PPP1R9A: variants seen among roughly 807,000 people sequenced by gnomAD.
PPP1R9A encodes the protein neurabin-1.
PPP1R9A carries 59 observed loss-of-function variants against 141.9 expected under a neutral mutation model. That is an observed-to-expected ratio of 0.42 (90% CI 0.34 to 0.52). PPP1R9A has a LOEUF of 0.52. PPP1R9A is among the 20% of genes least tolerant of loss of function. The pLI is 0.10. For synonymous variants in PPP1R9A, 500 were observed against 569.7 expected (o/e 0.88, Z 1.74); for missense variants, 1,444 against 1,611.9 (o/e 0.90, Z 1.78).
At chr7:95,054,871 C>G (rs1811304014) in intron 2 of PPP1R9A, among the ~76,000 whole-genome samples, 1 of 152,070 alleles carries the variant, frequency 6.6e-6, no homozygotes, top group African/African-American at 2.4e-5. Flanking sequence ...TCATTCATTA[C>G]CCTACTTCCA....
intron 5 of PPP1R9A, among the ~76,000 whole-genome samples, chr7:95,173,416 C>G (rs967204169): frequency 6.6e-6 from 1 of 151,702 alleles, no homozygotes. Flanking sequence ...GCATATATAC[C>G]CTCTAAATGA....
At chr7:95,022,975 G>A (rs769138695) in intron 2 of PPP1R9A, among the ~76,000 whole-genome samples, 1 of 152,122 alleles carries the variant, frequency 6.6e-6, no homozygotes, top group Admixed American at 6.5e-5. Flanking sequence ...TTTGGTATCA[G>A]GATGATGCTG....
At chr7:95,037,005 A>G (rs1808510917) in intron 2 of PPP1R9A, 1 of 152,204 alleles carries the variant, frequency 6.6e-6, no homozygotes, top group Non-Finnish European at 1.5e-5. Flanking sequence ...CTTCTCCTCC[A>G]AAGTGAGTGA....
intron 2 of PPP1R9A, among the ~76,000 whole-genome samples, chr7:94,978,831 C>G (rs1298400718): frequency 1.3e-5 from 2 of 152,194 alleles, no homozygotes; most frequent in Non-Finnish European, 2.9e-5. Context: ...CGGTCTCGCT[C>G]TGTTGCGCAG....
intron 2 of PPP1R9A, among the ~76,000 whole-genome samples, chr7:95,005,911 AC>A (rs1276059883): frequency 6.6e-6 from 1 of 152,134 alleles, no homozygotes; most frequent in Non-Finnish European, 1.5e-5. Context: ...TTCTAAAGAT[AC>A]AAAAAAAAAT....
At chr7:94,908,895 A>AGT (rs1386875850) in intron 1 of PPP1R9A, among the ~76,000 whole-genome samples, 1 of 152,186 alleles carries the variant, frequency 6.6e-6, no homozygotes, top group Non-Finnish European at 1.5e-5. Context: ...TTTAAGTGAA[A>AGT]GTGTGTGCCT....
intron 4 of PPP1R9A, among the ~76,000 whole-genome samples, chr7:95,137,662 CCAAT>C (rs1825912495): frequency 6.6e-6 from 1 of 151,926 alleles, no homozygotes; most frequent in Admixed American, 6.6e-5. Flanking sequence ...CAAAGAAATC[CCAAT>C]CAAACTCTAG....
chr7:95,229,842 G>A lies in PPP1R9A; in HGVS notation c.2112+3726G>A, dbSNP rs532024984. ...GTGCTCTTGAAAGTGCCAACTCCTG[G>A]CTGGAATCCAACCAATACAAGACCA... On this transcript the variant is annotated intron_variant, in intron 8 of 19. Transcript: ENST00000433360. 7.2e-5 allele frequency among the ~76,000 whole-genome samples: 11 copies of A among 151,948 alleles called. No homozygotes were observed. The East Asian group carries it at 1.2e-3, about 16-fold the overall frequency.
intron 2 of PPP1R9A, among the ~76,000 whole-genome samples, chr7:94,986,484 A>G (rs1394574475): frequency 1.3e-5 from 2 of 152,176 alleles, no homozygotes; most frequent in Admixed American, 6.5e-5. Flanking sequence ...ATTAGAGGCT[A>G]GGAGAGGTTG....
At chr7:95,033,244 G>A (rs1016094892) in intron 2 of PPP1R9A, among the ~76,000 whole-genome samples, 12 of 144,394 alleles carry the variant, frequency 8.3e-5, no homozygotes, top group African/African-American at 3.1e-4. Flanking sequence ...TCGATCTCCT[G>A]ACCTCGTGAT....
At chr7:95,233,921 T>A (rs903574172) in intron 8 of PPP1R9A, among the ~76,000 whole-genome samples, 12 of 152,062 alleles carry the variant, frequency 7.9e-5, no homozygotes, top group Non-Finnish European at 1.5e-4. Flanking sequence ...GAATTAAAAT[T>A]TAAAAATCAC....
At chr7:95,105,450 C>G (rs893855128) in intron 2 of PPP1R9A, among the ~76,000 whole-genome samples, 1 of 152,146 alleles carries the variant, frequency 6.6e-6, no homozygotes, top group Non-Finnish European at 1.5e-5. Context: ...TTCCTTTGAT[C>G]GAGAAACCAG....
At chr7:95,137,658 A>C (rs562556493) in intron 4 of PPP1R9A, among the ~76,000 whole-genome samples, 11 of 152,288 alleles carry the variant, frequency 7.2e-5, no homozygotes, top group African/African-American at 2.6e-4. Flanking sequence ...GAGTCAAAGA[A>C]ATCCCAATCA....
intron 2 of PPP1R9A, among the ~76,000 whole-genome samples, chr7:95,019,898 T>C (rs186062336): frequency 1.6e-4 from 24 of 152,284 alleles, no homozygotes; most frequent in African/African-American, 5.5e-4. Context: ...CAGAAATTTG[T>C]ACATGAATGT....
chr7:94,971,808 A>G (rs1371293918), intron 2 of PPP1R9A, among the ~76,000 whole-genome samples: 2 of 152,234 alleles, frequency 1.3e-5, no homozygotes, highest in Non-Finnish European at 2.9e-5. Flanking sequence ...TCAGAAGACA[A>G]ATACATTGAA....
At chr7:94,932,998 G>A (rs1363597982) in intron 2 of PPP1R9A, among the ~76,000 whole-genome samples, 5 of 151,740 alleles carry the variant, frequency 3.3e-5, no homozygotes, top group African/African-American at 1.2e-4. Flanking sequence ...CACAGATATA[G>A]ATTTTCTCTG....
intron 2 of PPP1R9A, among the ~76,000 whole-genome samples, chr7:94,935,797 G>A (rs1794705347): frequency 6.6e-6 from 1 of 152,132 alleles, no homozygotes; most frequent in Admixed American, 6.5e-5. Context: ...AAAACTTGTT[G>A]ATTGCACTAA....
At chr7:95,114,240 G>A (rs188867028) in intron 3 of PPP1R9A, among the ~76,000 whole-genome samples, 3 of 152,242 alleles carry the variant, frequency 2.0e-5, no homozygotes, top group African/African-American at 7.2e-5. Context: ...ACATGATATC[G>A]AGGGAAAGTA....
At chr7:95,280,386 A>G (rs1432774515) in intron 16 of PPP1R9A, among the ~76,000 whole-genome samples, 1 of 152,210 alleles carries the variant, frequency 6.6e-6, no homozygotes, top group Non-Finnish European at 1.5e-5. Context: ...AATACTTCAC[A>G]CACCTGTATT....
Sources: gnomAD v4.1 joint callset for allele counts (sites outside exome capture counted in the v4.1 genomes callset) on GRCh38, gnomAD v4.1.1 for gene constraint, MANE v1.5 for transcripts, NCBI Gene and HGNC (gene_info 2026-07-23, HGNC 2026-07-21) for gene names.